The following NTM variants were observed in gnomAD, a reference collection of about 807,000 sequenced individuals.
NTM encodes neurotrimin.
A neutral mutation model predicts 42.1 loss-of-function variants in NTM; 13 were observed. The observed-to-expected ratio is 0.31, with a 90% CI of 0.20 to 0.49. NTM has a LOEUF of 0.49. NTM is among the 20% of genes least tolerant of loss of function. The probability of loss-of-function intolerance (pLI) is 0.99; values close to 1 mark genes in which losing one functional copy is unlikely to be tolerated. For missense variants in NTM, 373 were observed against 452.8 expected (o/e 0.82, Z 1.60); for synonymous variants, 187 against 179.2 (o/e 1.04, Z -0.35).
At chr11:132,097,237 G>A (rs2061117017) in intron 2 of NTM, among the ~76,000 whole-genome samples, 7 of 152,214 alleles carry the variant, frequency 4.6e-5, no homozygotes, top group Admixed American at 4.6e-4. Flanking sequence ...TGTGTGTGTG[G>A]TGGTCGTGTC....
chr11:132,091,053 T>C (rs1372189036), intron 2 of NTM, among the ~76,000 whole-genome samples: 6 of 152,206 alleles, frequency 3.9e-5, no homozygotes, highest in Non-Finnish European at 8.8e-5. Flanking sequence ...ATTATTGGCA[T>C]TTTTCCTTTG....
At position 131,593,535 on chromosome 11, in the gene NTM, G is replaced by A. The variant is rs527839421; in HGVS notation, c.82+222647G>A. On this transcript the variant is annotated intron_variant, in intron 1 of 8. Coordinates refer to ENST00000683400, the MANE Select transcript of NTM (RefSeq NM_001352005.2). ...TCCCCTGCCCCGCCCCCCTGCCATA[G>A]CATGCACTGTTCTAAGTGGATGACA... is the stretch of plus-strand genomic sequence containing the variant. Among the ~76,000 whole-genome samples, 194 of 152,254 alleles carry A rather than the reference G, an allele frequency of 1.3e-3. 1 individual carries two copies. The highest frequency in any genetic ancestry group is 2.3e-3 in the Non-Finnish European group (154 of 68,028).
chr11:131,529,478 A>G (rs765349917), intron 1 of NTM, among the ~76,000 whole-genome samples: 11 of 152,150 alleles, frequency 7.2e-5, no homozygotes, highest in Admixed American at 6.5e-4. Flanking sequence ...CAGAGGGTAA[A>G]TAGGATGGGG....
Position 132,015,394 on chromosome 11 carries a change from C to A in NTM, c.167+103746C>A, listed in dbSNP as rs181837237. Among the ~76,000 whole-genome samples, 217 of 151,866 alleles carry A rather than the reference C, an allele frequency of 1.4e-3. 1 individual carries two copies. Among genetic ancestry groups the A allele is most frequent in the African/African-American group, 4.9e-3 (203 of 41,478 alleles). On this transcript the variant is annotated intron_variant, in intron 2 of 8. Transcript: ENST00000683400. Reference sequence around the variant, plus strand: ...TCAATATCTTTTTTAAAGTTCCATACAAATTTTAGGATTTTTTTTTCTATT... The same window carrying A: ...TCAATATCTTTTTTAAAGTTCCATAAAAATTTTAGGATTTTTTTTTCTATT...
At chr11:131,378,262 T>C (rs1050258780) in intron 1 of NTM, among the ~76,000 whole-genome samples, 2 of 152,204 alleles carry the variant, frequency 1.3e-5, no homozygotes, top group Middle Eastern at 3.2e-3. Context: ...ACATCCCCTA[T>C]ATAGGCTTCA....
chr11:131,586,658 CTG>C lies in NTM; in HGVS notation c.82+215773_82+215774del, dbSNP rs369118853. Among the ~76,000 whole-genome samples the C allele has an allele frequency of 2.1e-3, 317 of 152,288 alleles. 3 individuals carry two copies. The highest frequency in any genetic ancestry group is 7.2e-3 in the African/African-American group (301 of 41,542). ...CTTTCCAGATTTTTGACCCCAGAAA[CTG>C]TGAGATAATAACAGTTTGTTGTTTT... is the stretch of plus-strand genomic sequence containing the variant. On this transcript the variant is annotated intron_variant, in intron 1 of 8. Transcript: ENST00000683400.
chr11:131,866,715 T>C (rs2047261657), intron 1 of NTM, among the ~76,000 whole-genome samples: 1 of 152,158 alleles, frequency 6.6e-6, no homozygotes. Flanking sequence ...TTTAAACAGG[T>C]TGGTGGATTC....
intron 1 of NTM, among the ~76,000 whole-genome samples, chr11:131,797,349 G>A (rs1423183254): frequency 6.6e-6 from 1 of 152,182 alleles, no homozygotes; most frequent in Non-Finnish European, 1.5e-5. Flanking sequence ...GGGGCAGGAT[G>A]CAGCAAGCCG....
At chr11:131,747,139 A>C (rs947342572) in intron 1 of NTM, among the ~76,000 whole-genome samples, 1 of 152,216 alleles carries the variant, frequency 6.6e-6, no homozygotes, top group Admixed American at 6.5e-5. Flanking sequence ...AATATGCTAG[A>C]GGGAAACTAA....
At chr11:132,118,392 A>T (rs1282250330) in intron 2 of NTM, among the ~76,000 whole-genome samples, 1 of 152,242 alleles carries the variant, frequency 6.6e-6, no homozygotes, top group African/African-American at 2.4e-5. Flanking sequence ...TGAGGCTGAG[A>T]AAAAGCTGGG....
intron 1 of NTM, among the ~76,000 whole-genome samples, chr11:131,568,188 A>C (rs2137060367): frequency 6.6e-6 from 1 of 152,346 alleles, no homozygotes; most frequent in East Asian, 1.9e-4. Flanking sequence ...CTCCAATCAT[A>C]AACAGTAAAC....
At chr11:131,900,732 C>T (rs183077419) in intron 1 of NTM, among the ~76,000 whole-genome samples, 54 of 152,154 alleles carry the variant, frequency 3.5e-4, no homozygotes, top group Admixed American at 1.6e-3. Context: ...AAAAGTGACT[C>T]GATTTCTGAT....
chr11:131,721,481 C>T (rs2078324210), intron 1 of NTM, among the ~76,000 whole-genome samples: 1 of 152,044 alleles, frequency 6.6e-6, no homozygotes, highest in Admixed American at 6.6e-5. Context: ...AGATTAAGCA[C>T]AGTGGCTGAC....
At chr11:132,243,521 G>A (rs944343090) in intron 4 of NTM, among the ~76,000 whole-genome samples, 9 of 152,114 alleles carry the variant, frequency 5.9e-5, no homozygotes, top group African/African-American at 1.7e-4. Flanking sequence ...CCTTCTGCAC[G>A]CTCAGAGCCC....
intron 1 of NTM, among the ~76,000 whole-genome samples, chr11:131,741,123 C>T (rs1485428891): frequency 1.3e-5 from 2 of 150,848 alleles, no homozygotes; most frequent in South Asian, 2.1e-4. Context: ...AGAGATTGCA[C>T]CACTGCACTC....
At chr11:131,710,287 A>G (rs2135283121) in intron 1 of NTM, among the ~76,000 whole-genome samples, 1 of 152,280 alleles carries the variant, frequency 6.6e-6, no homozygotes, top group Non-Finnish European at 1.5e-5. Context: ...ATTTTTCAAA[A>G]CTACTTAATG....
chr11:132,089,761 G>T (rs1036736489), intron 2 of NTM, among the ~76,000 whole-genome samples: 1 of 152,114 alleles, frequency 6.6e-6, no homozygotes, highest in Non-Finnish European at 1.5e-5. Flanking sequence ...TAAATTTGAT[G>T]TTTGTTCTTG....
chr11:131,916,888 C>T (rs1430342287), intron 2 of NTM, among the ~76,000 whole-genome samples: 1 of 152,222 alleles, frequency 6.6e-6, no homozygotes, highest in East Asian at 1.9e-4. Flanking sequence ...GTGGTCCGCC[C>T]TGCTGGGAAC....
At chr11:131,576,830 T>C (rs1436826594) in intron 1 of NTM, among the ~76,000 whole-genome samples, 1 of 152,238 alleles carries the variant, frequency 6.6e-6, no homozygotes, top group African/African-American at 2.4e-5. Context: ...TGTCAGTTTC[T>C]TACTGTGTGA....
Sources: gnomAD v4.1 joint callset for allele counts (sites outside exome capture counted in the v4.1 genomes callset) on GRCh38, gnomAD v4.1.1 for gene constraint, MANE v1.5 for transcripts, NCBI Gene and HGNC (gene_info 2026-07-23, HGNC 2026-07-21) for gene names.